The following VKORC1L1 variants were observed in gnomAD, a reference collection of about 807,000 sequenced individuals.
VKORC1L1 encodes the protein vitamin K epoxide reductase complex subunit 1-like protein 1.
VKORC1L1 carries 2 observed loss-of-function variants against 18.9 expected under a neutral mutation model. The ratio of observed to expected loss-of-function variants is 0.11; its 90% CI spans 0.04 to 0.33. VKORC1L1 has a LOEUF of 0.33. VKORC1L1 is among the 10% of genes least tolerant of loss of function. The pLI, the probability that VKORC1L1 is intolerant of heterozygous loss-of-function variation, is 1.00. For synonymous variants in VKORC1L1, 96 were observed against 100.0 expected (o/e 0.96, Z 0.24); for missense variants, 123 against 224.1 (o/e 0.55, Z 2.88).
chr7:65,868,356 C>T (rs1270637489), upstream of VKORC1L1, among the ~76,000 whole-genome samples: 9 of 151,978 alleles, frequency 5.9e-5, no homozygotes, highest in African/African-American at 1.7e-4. Context: ...AAAAAAGGAA[C>T]GCTTATACAC....
intron 1 of VKORC1L1, among the ~76,000 whole-genome samples, chr7:65,940,279 A>C (rs1358983306): frequency 6.6e-6 from 1 of 152,132 alleles, no homozygotes; most frequent in Non-Finnish European, 1.5e-5. Context: ...GAACCTCCCA[A>C]AGTTCTGCAA....
chr7:65,944,252 C>T (rs1300149408), intron 1 of VKORC1L1, among the ~76,000 whole-genome samples: 1 of 151,984 alleles, frequency 6.6e-6, no homozygotes, highest in Non-Finnish European at 1.5e-5. Context: ...CCTGTAATCC[C>T]AGCTACTTTA....
chr7:65,918,817 G>A (rs1043735193), intron 1 of VKORC1L1, among the ~76,000 whole-genome samples: 5 of 152,142 alleles, frequency 3.3e-5, no homozygotes, highest in African/African-American at 1.2e-4. Flanking sequence ...AAAACAGGCG[G>A]GACGCGGTGG....
intron 1 of VKORC1L1, among the ~76,000 whole-genome samples, chr7:65,921,897 A>T (rs1243973280): frequency 6.6e-6 from 1 of 152,086 alleles, no homozygotes; most frequent in African/African-American, 2.4e-5. Context: ...GGTGTTACCC[A>T]GGCTGGTTTC....
chr7:65,926,282 G>C (rs1583853066), intron 1 of VKORC1L1, among the ~76,000 whole-genome samples: 2 of 151,792 alleles, frequency 1.3e-5, no homozygotes, highest in Admixed American at 6.6e-5. Flanking sequence ...CTGCCTCCAG[G>C]GTAGCTGGGA....
intron 1 of VKORC1L1, among the ~76,000 whole-genome samples, chr7:65,930,141 A>G (rs575004816): frequency 2.0e-5 from 3 of 152,312 alleles, no homozygotes; most frequent in Non-Finnish European, 4.4e-5. Flanking sequence ...GGGTAACCTT[A>G]TAAACTTCTT....
intron 1 of VKORC1L1, among the ~76,000 whole-genome samples, chr7:65,914,501 C>A (rs1789554640): frequency 6.6e-6 from 1 of 152,118 alleles, no homozygotes; most frequent in South Asian, 2.1e-4. Flanking sequence ...TTTCCCTTTG[C>A]AATCTTACCT....
At position 65,958,228 on chromosome 7, in the gene VKORC1L1, A is replaced by G. The variant is rs551019075; in HGVS notation, c.*3928A>G. On this transcript the variant is annotated 3_prime_UTR_variant, in exon 3 of 3. Coordinates refer to ENST00000360768, the MANE Select transcript of VKORC1L1 (RefSeq NM_173517.6). ...ACTTGGTTAAACATTTTTTACTACAAATTCGCCCAGAAAAGGTGAAATATT... is the reference window on the plus strand; with the variant it reads ...ACTTGGTTAAACATTTTTTACTACAGATTCGCCCAGAAAAGGTGAAATATT... The G allele has an allele frequency of 1.3e-5, 2 of 152,340 alleles. No homozygotes were observed. Among genetic ancestry groups the G allele is most frequent in the African/African-American group, 4.8e-5 (2 of 41,574 alleles). The allele number at this position is 152,340 out of a possible 1,614,324, so 9.4% of individuals were successfully genotyped here.
chr7:65,884,481 A>G (rs1788980342), intron 1 of VKORC1L1, among the ~76,000 whole-genome samples: 1 of 152,166 alleles, frequency 6.6e-6, no homozygotes, highest in Non-Finnish European at 1.5e-5. Context: ...TACTAAAAAT[A>G]CAAAAATTAG....
At chr7:65,889,956 T>C (rs13228003) in intron 1 of VKORC1L1, among the ~76,000 whole-genome samples, 5 of 116,710 alleles carry the variant, frequency 4.3e-5, no homozygotes, top group Non-Finnish European at 9.2e-5. Flanking sequence ...TTCTCTCTCT[T>C]TTTTTGTTTT....
chr7:65,945,655 G>C (rs1252058275), intron 1 of VKORC1L1, among the ~76,000 whole-genome samples: 3 of 152,090 alleles, frequency 2.0e-5, no homozygotes, highest in Non-Finnish European at 4.4e-5. Context: ...CAAAGTGGAT[G>C]CCTCTGGGAT....
chr7:65,897,339 A>G (rs561662639), intron 1 of VKORC1L1, among the ~76,000 whole-genome samples: 10 of 152,360 alleles, frequency 6.6e-5, no homozygotes, highest in African/African-American at 2.2e-4. Context: ...TTGATTAGCT[A>G]TTGACTAAGG....
At chr7:65,937,625 C>T (rs1789964949) in intron 1 of VKORC1L1, among the ~76,000 whole-genome samples, 1 of 152,092 alleles carries the variant, frequency 6.6e-6, no homozygotes, top group Admixed American at 6.6e-5. Flanking sequence ...GTTGCCCAGG[C>T]TGGTCTCAGA....
At chr7:65,892,721 G>A (rs1276026226) in intron 1 of VKORC1L1, among the ~76,000 whole-genome samples, 1 of 152,128 alleles carries the variant, frequency 6.6e-6, no homozygotes, top group Non-Finnish European at 1.5e-5. Flanking sequence ...ATGATGTTTA[G>A]TTCCATTTAT....
chr7:65,868,366 C>T (rs982805335), upstream of VKORC1L1, among the ~76,000 whole-genome samples: 7 of 152,056 alleles, frequency 4.6e-5, no homozygotes, highest in African/African-American at 1.7e-4. Flanking sequence ...CGCTTATACA[C>T]CGTTGGTGGG....
intron 1 of VKORC1L1, among the ~76,000 whole-genome samples, chr7:65,909,531 CTTT>C (rs1789464496): frequency 6.6e-6 from 1 of 152,052 alleles, no homozygotes; most frequent in Non-Finnish European, 1.5e-5. Context: ...GTTAAATTAT[CTTT>C]AGGTGAAGGA....
At chr7:65,949,962 G>A (rs556576814) in intron 2 of VKORC1L1, among the ~76,000 whole-genome samples, 1 of 152,078 alleles carries the variant, frequency 6.6e-6, no homozygotes, top group Non-Finnish European at 1.5e-5. Flanking sequence ...AAATTTCCAA[G>A]CATAGTATCA....
intron 1 of VKORC1L1, among the ~76,000 whole-genome samples, chr7:65,919,202 C>T (rs1036835653): frequency 1.3e-5 from 2 of 152,190 alleles, no homozygotes; most frequent in African/African-American, 4.8e-5. Context: ...TCCTTAACGG[C>T]TCTGATGGCT....
rs1790206909 is a variant in VKORC1L1 at position 65,951,220 on chromosome 7, G to A, written c.304+2440G>A. Among the ~76,000 whole-genome samples, 3 of 152,146 alleles carry A rather than the reference G, an allele frequency of 2.0e-5. No individual in the cohort carries two copies. In the South Asian group the frequency reaches 6.2e-4, roughly 32 times the overall value. On this transcript the variant is annotated intron_variant, in intron 2 of 2. Transcript: ENST00000360768. ...CAGCATCTGTACTCCCTTCTAACCT[G>A]TTTGAGACACAGCATTTTTAATTTA...
Sources: allele counts gnomAD v4.1 joint callset (sites outside exome capture counted in the v4.1 genomes callset), GRCh38; gene constraint gnomAD v4.1.1; transcripts MANE v1.5; gene names NCBI Gene and HGNC (gene_info 2026-07-23, HGNC 2026-07-21).